EPG5: variants seen among roughly 807,000 people sequenced by gnomAD.
EPG5 encodes ectopic P granules protein 5 homolog.
Under a neutral mutation model 302.7 loss-of-function variants are expected in EPG5, and 159 were observed. That is an observed-to-expected ratio of 0.53 (90% CI 0.46 to 0.60). The LOEUF is 0.60. EPG5 is among the 20% of genes least tolerant of loss of function. The pLI is 0.00. For synonymous variants in EPG5, 1,158 were observed against 1,136.8 expected (o/e 1.02, Z -0.37); for missense variants, 2,896 against 3,092.4 (o/e 0.94, Z 1.51).
At chr18:45,924,778 T>C (rs926090284) in intron 14 of EPG5, among the ~76,000 whole-genome samples, 9 of 152,334 alleles carry the variant, frequency 5.9e-5, no homozygotes, top group Admixed American at 2.0e-4. Context: ...AACAACTCTA[T>C]GCGCAGTGGC....
the EPG5 span, chr18:45,842,028 C>G: frequency 2.3e-6 from 3 of 1,317,544 alleles, no homozygotes; most frequent in Non-Finnish European, 3.3e-6. Flanking sequence ...TCTTCTTGGC[C>G]CACTGCTGGC....
intron 42 of EPG5, among the ~76,000 whole-genome samples, chr18:45,857,512 G>A (rs1329677880): frequency 6.6e-6 from 1 of 152,062 alleles, no homozygotes; most frequent in Non-Finnish European, 1.5e-5. Flanking sequence ...CAGCTGACTT[G>A]GCTTTTAAAC....
intron 10 of EPG5, among the ~76,000 whole-genome samples, chr18:45,936,831 C>T (rs184195840): frequency 2.0e-5 from 3 of 149,722 alleles, no homozygotes; most frequent in East Asian, 3.9e-4. Flanking sequence ...AAGCTGTTGC[C>T]GTATTTGAGA....
intron 16 of EPG5, among the ~76,000 whole-genome samples, chr18:45,921,902 G>A (rs2050161412): frequency 6.7e-6 from 1 of 148,706 alleles, no homozygotes; most frequent in African/African-American, 2.5e-5. Context: ...CATGGCACAT[G>A]TATATGTATG....
chr18:45,887,715 T>G (rs182624893), intron 29 of EPG5, 36 bp downstream of exon 29: 114 of 1,468,204 alleles, frequency 7.8e-5, no homozygotes, highest in Middle Eastern at 1.8e-4. Flanking sequence ...CAGAGACTCA[T>G]TATCTGATCA....
At chr18:45,868,035 G>A (rs749018286) in intron 36 of EPG5, 21 of 500,308 alleles carry the variant, frequency 4.2e-5, no homozygotes, top group East Asian at 2.2e-4. Flanking sequence ...GTGGAGAATC[G>A]CTGCCACAGT....
At chr18:45,839,030 C>T in the EPG5 span, 1 of 1,572,780 alleles carries the variant, frequency 6.4e-7, no homozygotes, top group Non-Finnish European at 8.6e-7. Flanking sequence ...CTGCTCGGCG[C>T]TCTCGGCTTC....
chr18:45,905,690 C>A (rs2049732503), intron 24 of EPG5, among the ~76,000 whole-genome samples: 2 of 152,140 alleles, frequency 1.3e-5, no homozygotes, highest in South Asian at 2.1e-4. Context: ...AATTACAGAT[C>A]AAGAAATTAT....
In EPG5 at chr18:45,952,451, G is replaced by A. The variant is rs1411427830; in HGVS notation, c.1201C>T (p.Leu401Phe). 1.2e-6 allele frequency: 2 copies of A among 1,614,172 alleles called. No individual in the cohort carries two copies. The highest frequency in any genetic ancestry group is 2.2e-5 in the South Asian group (2 of 91,086). ...LQVESYIYALLSSSAVLRSSA... is the reference protein window; with the variant it reads ...LQVESYIYALFSSSAVLRSSA... ...GATCTCAGAACAGCTGAACTACTGA[G>A]CAATGCATAGATGTAAGACTCCACT... Residue 401 changes from leucine (L) to phenylalanine (F), a missense_variant, in exon 3 of 44, where the codon CTC (leucine) becomes TTC (phenylalanine). Leu to Phe is a conservative substitution (Grantham distance 22). Transcript: ENST00000282041.
chr18:45,811,852 G>A, the EPG5 span, among the ~76,000 whole-genome samples: 1 of 152,132 alleles, frequency 6.6e-6, no homozygotes, highest in African/African-American at 2.4e-5. Flanking sequence ...TTTGAAAACT[G>A]GCACAAGACA....
At chr18:45,926,062 C>T (rs903648508) in intron 13 of EPG5, among the ~76,000 whole-genome samples, 160 bp from the exon 14 acceptor site, 1 of 152,072 alleles carries the variant, frequency 6.6e-6, no homozygotes, top group African/African-American at 2.4e-5. Context: ...CACGGACAAC[C>T]AAATCAAGTG....
At chr18:45,943,042 C>T in intron 9 of EPG5, 119 bp downstream of exon 9, 1 of 976,392 alleles carries the variant, frequency 1.0e-6, no homozygotes, top group Non-Finnish European at 1.5e-6. Flanking sequence ...AAAATCTTAA[C>T]TATTACGAGA....
intron 11 of EPG5, among the ~76,000 whole-genome samples, chr18:45,931,201 G>A (rs904236800): frequency 1.3e-5 from 2 of 152,158 alleles, no homozygotes; most frequent in African/African-American, 4.8e-5. Context: ...CAACTTCAAA[G>A]GCACACTTGA....
rs535190161 is a variant in EPG5, at chr18:45,849,159, G to C, written c.*3308C>G. On this transcript the variant is annotated 3_prime_UTR_variant, in exon 44 of 44. Coordinates refer to ENST00000282041, the MANE Select transcript of EPG5 (RefSeq NM_020964.3). ...AGAGGTGAGGGGTGGGGTGGAAGTG[G>C]TGTTAGACATGTGATGAAAACTGAA... 3 of 152,242 alleles carry C rather than the reference G, an allele frequency of 2.0e-5. No homozygotes were observed. The highest frequency in any genetic ancestry group is 7.2e-5 in the African/African-American group (3 of 41,520). The allele number at this position is 152,242 out of a possible 1,614,324, so 9.4% of individuals were successfully genotyped here. A position where few individuals can be genotyped will look rare whatever the true frequency, so the allele number is the denominator to read the frequency against.
In EPG5 at chr18:45,922,977, C is replaced by G. The variant is rs567470767; in HGVS notation, c.2838+291G>C. ...TTTAAGCTACCAATGGTTTAATAAC[C>G]TGGCTTGCAAAGTTTCTAAAAATTT... On this transcript the variant is annotated intron_variant, in intron 15 of 43. Coordinates refer to ENST00000282041, the MANE Select transcript of EPG5 (RefSeq NM_020964.3). 4.6e-5 allele frequency among the ~76,000 whole-genome samples: 7 copies of G among 152,276 alleles called. 1 individual carries two copies. The highest frequency in any genetic ancestry group is 1.7e-4 in the African/African-American group (7 of 41,554).
chr18:45,962,284 G>A (rs1020139233), intron 1 of EPG5, among the ~76,000 whole-genome samples: 4 of 152,210 alleles, frequency 2.6e-5, no homozygotes, highest in African/African-American at 9.7e-5. Flanking sequence ...GGGGGATGGA[G>A]ATTCAAAGGT....
chr18:45,930,662 C>A lies in EPG5; in HGVS notation c.2412+14G>T, dbSNP rs775793154. On this transcript the variant is annotated intron_variant, in intron 12 of 43. Coordinates refer to ENST00000282041, the MANE Select transcript of EPG5 (RefSeq NM_020964.3). Reference sequence around the variant, plus strand: ...AAACATTTTTAGCTGATTTATAAAACTTCATATTCTAACCTCATATATCTC... The same window carrying A: ...AAACATTTTTAGCTGATTTATAAAAATTCATATTCTAACCTCATATATCTC... 2.3e-5 allele frequency: 35 copies of A among 1,536,590 alleles called. No homozygotes were observed. The highest frequency in any genetic ancestry group is 3.0e-5 in the Non-Finnish European group (34 of 1,144,530).
At chr18:45,836,446 T>C in the EPG5 span, among the ~76,000 whole-genome samples, 5 of 152,050 alleles carry the variant, frequency 3.3e-5, no homozygotes, top group South Asian at 2.1e-4. Context: ...CCCTTTCTCC[T>C]TGGGAGGCAC....
At position 45,901,097 on chromosome 18, in the gene EPG5, C is replaced by T. The variant is rs768482660; in HGVS notation, c.4545G>A (p.Thr1515=). ...AGGAAATAACTGGCACAGGAGGCTT[C>T]GTCGGGTGCAGAGCAAGGGGAGGCT... ...APQPPLALHP[T]KPPVPVISSA... is the part of the protein sequence containing the mutation. Residue 1515 remains threonine, a synonymous_variant, in exon 26 of 44, where the codon ACG becomes ACA. Coordinates refer to ENST00000282041, the MANE Select transcript of EPG5 (RefSeq NM_020964.3). 9 of 1,614,050 alleles carry T rather than the reference C, an allele frequency of 5.6e-6. No homozygotes were observed. Among genetic ancestry groups the T allele is most frequent in the African/African-American group, 4.0e-5 (3 of 74,928 alleles).
Sources: gnomAD v4.1 joint callset for allele counts (sites outside exome capture counted in the v4.1 genomes callset) on GRCh38, gnomAD v4.1.1 for gene constraint, MANE v1.5 for transcripts, NCBI Gene and HGNC (gene_info 2026-07-23, HGNC 2026-07-21) for gene names.